Variants in GFM1 observed in about 807,000 individuals in gnomAD.
The protein encoded by GFM1 is elongation factor G, mitochondrial.
GFM1 carries 62 observed loss-of-function variants against 96.2 expected under a neutral mutation model. The ratio of observed to expected loss-of-function variants is 0.64; its 90% confidence interval spans 0.53 to 0.80. The LOEUF (loss-of-function observed/expected upper bound fraction) is 0.80. GFM1 is among the 30% of genes least tolerant of loss of function. GFM1 has a pLI of 0.00. For missense variants in GFM1, 852 were observed against 916.6 expected (o/e 0.93, Z 0.91); for synonymous variants, 282 against 312.9 (o/e 0.90, Z 1.04).
In GFM1 at chr3:158,649,937, A is replaced by G. The variant is rs1056251010; in HGVS notation, c.689+780A>G. Reference sequence around the variant, plus strand: ...ACTTTGAGTGACACTGATCTAGACAATGTGAGGAGTCATAAATGATCCTTT... The same window carrying G: ...ACTTTGAGTGACACTGATCTAGACAGTGTGAGGAGTCATAAATGATCCTTT... On this transcript the variant is annotated intron_variant, in intron 5 of 17. Coordinates refer to ENST00000486715, the MANE Select transcript of GFM1 (RefSeq NM_024996.7). 19 of 1,256,564 alleles carry G rather than the reference A, an allele frequency of 1.5e-5. No individual in the cohort carries two copies. The African/African-American group carries it at 2.2e-4, about 15-fold the overall frequency. 77.8% of individuals were successfully genotyped at this position (1,256,564 alleles called of 1,614,324 possible). A position where few individuals can be genotyped will look rare whatever the true frequency, so the allele number is the denominator to read the frequency against.
intron 5 of GFM1, chr3:158,650,075 A>G (rs1467213350): frequency 6.5e-6 from 10 of 1,530,874 alleles, no homozygotes; most frequent in Non-Finnish European, 7.0e-6. Context: ...GGCGAATGGC[A>G]TTGTGATCAG....
chr3:158,658,845 T>C, intron 8 of GFM1, 77 bp from the exon 9 acceptor site: 1 of 1,489,116 alleles, frequency 6.7e-7, no homozygotes, highest in Non-Finnish European at 9.3e-7. Context: ...TTGGAGGGAG[T>C]TATGAAGCTT....
chr3:158,690,117 G>A (rs767892698), intron 15 of GFM1, 46 bp from the exon 16 acceptor site: 1 of 1,499,368 alleles, frequency 6.7e-7, no homozygotes, highest in Non-Finnish European at 9.3e-7. Context: ...CAGAAGAGTT[G>A]TAGTTTGTAT....
intron 5 of GFM1, chr3:158,649,873 G>A: frequency 2.8e-6 from 2 of 709,096 alleles, no homozygotes; most frequent in Non-Finnish European, 4.8e-6. Flanking sequence ...TTTCTGGAAG[G>A]TTTCCAGTTG....
chr3:158,672,539 GCGCCGCCCGTCCTGCTTGC>G, intron 13 of GFM1: 1 of 1,599,572 alleles, frequency 6.3e-7, no homozygotes, highest in Admixed American at 1.7e-5. Context: ...CAGTAGCAGA[GCGCCGCCCGTCCTGCTTGC>G]TGCTGGGTCC....
At chr3:158,684,500 G>T in intron 14 of GFM1, 24 bp from the exon 15 acceptor site, 1 of 1,613,678 alleles carries the variant, frequency 6.2e-7, no homozygotes. Context: ...ACTCACTCCA[G>T]AAGTTGTGTT....
chr3:158,684,656 G>T lies in GFM1; in HGVS notation c.1897G>T (p.Ala633Ser). Residue 633 changes from alanine to serine, a missense_variant, in exon 15 of 18, where the codon GCT becomes TCT. Physicochemically the swap from Ala to Ser is moderately conservative, Grantham distance 99. Coordinates refer to ENST00000486715, the MANE Select transcript of GFM1 (RefSeq NM_024996.7). ...EISFIRAGEG[A>S]LKQALANATL... ...CTCTTTCATCCGAGCAGGAGAAGGT[G>T]CTCTTAAACAAGGTATGCTGGGTCC... 6.2e-7 allele frequency: 1 copy of T among 1,614,040 alleles called. No homozygotes were observed. The highest frequency in any genetic ancestry group is 2.2e-5 in the East Asian group (1 of 44,872).
chr3:158,648,571 G>T (rs139679048), intron 4 of GFM1, among the ~76,000 whole-genome samples: 1 of 151,726 alleles, frequency 6.6e-6, no homozygotes, highest in Non-Finnish European at 1.5e-5. Flanking sequence ...CCAGCTACTC[G>T]GGAGGCTGAG....
At chr3:158,669,260 G>T (rs1724030969) in intron 13 of GFM1, 2 of 1,221,720 alleles carry the variant, frequency 1.6e-6, no homozygotes, top group Non-Finnish European at 1.1e-6. Context: ...TTAAGCTATG[G>T]ATCTATAAAA....
intron 13 of GFM1, chr3:158,667,034 A>G: frequency 1.3e-6 from 2 of 1,598,178 alleles, no homozygotes; most frequent in Non-Finnish European, 1.7e-6. Flanking sequence ...ATTATGAAGT[A>G]GAATGGTGTA....
chr3:158,660,738 C>G lies in GFM1; in HGVS notation c.1222-136C>G, dbSNP rs532522182. The G allele has an allele frequency of 9.5e-5, 70 of 736,184 alleles. No individual in the cohort carries two copies. In the African/African-American group the frequency reaches 1.1e-3, roughly 11 times the overall value. The allele number at this position is 736,184 out of a possible 1,614,324, so 45.6% of individuals were successfully genotyped here. On this transcript the variant is annotated intron_variant, in intron 9 of 17. Transcript: ENST00000486715. ...ATTATTGTATTGGTTCTAGCTAATT[C>G]ACTATAGAATTCAAGCAGAGAGATT... is the stretch of plus-strand genomic sequence containing the variant.
rs56167308 is a variant in GFM1, at chr3:158,650,048, C to T, written c.689+891C>T. 313,832 of 1,534,082 alleles carry T rather than the reference C, an allele frequency of 0.2. 33,051 individuals carry two copies. The highest frequency in any genetic ancestry group is 0.22 in the Non-Finnish European group (252,959 of 1,145,220). On this transcript the variant is annotated intron_variant, in intron 5 of 17. Coordinates refer to ENST00000486715, the MANE Select transcript of GFM1 (RefSeq NM_024996.7). ...CCTTCCTCTGCTATGGAATTGGGAT[C>T]GCAGGTCTGGCAGGTGGGCGAATGG...
At chr3:158,669,259 G>T in intron 13 of GFM1, 1 of 1,223,962 alleles carries the variant, frequency 8.2e-7, no homozygotes, top group Non-Finnish European at 1.1e-6. Flanking sequence ...ATTAAGCTAT[G>T]GATCTATAAA....
At chr3:158,661,173 A>G (rs1723170606) in intron 10 of GFM1, among the ~76,000 whole-genome samples, 198 bp downstream of exon 10, 2 of 152,208 alleles carry the variant, frequency 1.3e-5, no homozygotes, top group Admixed American at 6.5e-5. Context: ...AAGCTAACTT[A>G]CCTGGTTTTT....
rs80265212 is a variant in GFM1 at position 158,673,306 on chromosome 3, A to G, written c.1601+6920A>G. On this transcript the variant is annotated intron_variant, in intron 13 of 17. Coordinates refer to ENST00000486715, the MANE Select transcript of GFM1 (RefSeq NM_024996.7). The stretch of plus-strand genomic sequence containing the variant: ...TATTTTACTTCAAGGATTAAAATAA[A>G]CTTAAAAACTGAACTTATACAAAGC... 1.5e-4 allele frequency among the ~76,000 whole-genome samples: 23 copies of G among 152,272 alleles called. 1 individual carries two copies. The East Asian group carries it at 4.4e-3, about 29-fold the overall frequency.
intron 9 of GFM1, among the ~76,000 whole-genome samples, chr3:158,659,423 A>G (rs1336881871): frequency 6.6e-6 from 1 of 152,214 alleles, no homozygotes; most frequent in Non-Finnish European, 1.5e-5. Context: ...TAAAGATAAG[A>G]GAATAATAAA....
chr3:158,663,540 A>G (rs1454538461), intron 11 of GFM1, among the ~76,000 whole-genome samples: 1 of 152,220 alleles, frequency 6.6e-6, no homozygotes, highest in Non-Finnish European at 1.5e-5. Flanking sequence ...TAGAAAAGAG[A>G]AAATTGAGGT....
chr3:158,685,737 C>T (rs1019117101), intron 15 of GFM1, among the ~76,000 whole-genome samples: 1 of 152,088 alleles, frequency 6.6e-6, no homozygotes, highest in African/African-American at 2.4e-5. Flanking sequence ...AATCTTGTCA[C>T]AGTCTGAAGA....
rs1325932194 is a variant in GFM1, at chr3:158,692,629, A to G, written c.*1162A>G. On this transcript the variant is annotated 3_prime_UTR_variant, in exon 18 of 18. Transcript: ENST00000486715. The stretch of plus-strand genomic sequence containing the variant: ...CTTTATACTTTAAGGTTTCTAGGGG[A>G]AAAAGATCTTTAAAAAGTATTGAGC... 6.6e-6 allele frequency: 1 copy of G among 152,094 alleles called. No individual in the cohort carries two copies. Among genetic ancestry groups the G allele is most frequent in the African/African-American group, 2.4e-5 (1 of 41,418 alleles). The allele number at this position is 152,094 out of a possible 1,614,324, so 9.4% of individuals were successfully genotyped here.
Sources: allele counts gnomAD v4.1 joint callset (sites outside exome capture counted in the v4.1 genomes callset), GRCh38; gene constraint gnomAD v4.1.1; transcripts MANE v1.5; gene names NCBI Gene and HGNC (gene_info 2026-07-23, HGNC 2026-07-21).